AHNAK: variants seen among roughly 807,000 people sequenced by gnomAD.
AHNAK encodes AHNAK nucleoprotein.
In AHNAK, 23 loss-of-function variants were observed where a neutral mutation model predicts 37.8. That is an observed-to-expected ratio of 0.61 (90% CI 0.44 to 0.86). The LOEUF is 0.86. AHNAK is among the 40% of genes least tolerant of loss of function. The pLI, the probability that AHNAK is intolerant of heterozygous loss-of-function variation, is 0.00. For synonymous variants in AHNAK, 2,481 were observed against 2,636.3 expected (o/e 0.94, Z 1.80); for missense variants, 7,411 against 7,319.4 (o/e 1.01, Z -0.46).
intron 4 of AHNAK, among the ~76,000 whole-genome samples, chr11:62,503,735 CAT>C (rs112127002): frequency 0.045 from 6,781 of 152,218 alleles, 232 homozygotes; most frequent in African/African-American, 0.093. Context: ...TAAACAGTAA[CAT>C]GTGATTTTCC....
intron 5 of AHNAK, among the ~76,000 whole-genome samples, chr11:62,472,118 C>T (rs1939048164): frequency 6.6e-6 from 1 of 152,106 alleles, no homozygotes. Flanking sequence ...CCTGTGCCCA[C>T]AGGCCCCCTT....
chr11:62,467,460 G>A (rs886201817), intron 5 of AHNAK, among the ~76,000 whole-genome samples: 33 of 152,232 alleles, frequency 2.2e-4, no homozygotes, highest in African/African-American at 7.9e-4. Context: ...CGAGGCAGAC[G>A]GATCACCTGA....
In AHNAK at chr11:62,524,182, G is replaced by C; in HGVS notation, c.10235C>G (p.Ser3412Cys). The change falls in exon 5 of 5, where the codon TCT becomes TGT. Residue 3412 changes from serine (S) to cysteine (C), a missense_variant. By Grantham distance (112) the Ser-to-Cys change is moderately radical. Coordinates refer to ENST00000378024, the MANE Select transcript of AHNAK (RefSeq NM_001620.3). ...KFKMPFLSIS[S>C]PKVSMPDVEL... ...CACGTCAGGCATAGAAACTTTGGGAGATGAAATACTCAGGAAAGGCATTTT... is the reference window on the plus strand; with the variant it reads ...CACGTCAGGCATAGAAACTTTGGGACATGAAATACTCAGGAAAGGCATTTT... The C allele has an allele frequency of 1.2e-6, 2 of 1,613,928 alleles. No individual in the cohort carries two copies. Among genetic ancestry groups the C allele is most frequent in the Non-Finnish European group, 1.7e-6 (2 of 1,179,956 alleles).
chr11:62,540,245 A>G (rs1005121403), intron 1 of AHNAK, among the ~76,000 whole-genome samples: 4 of 152,226 alleles, frequency 2.6e-5, no homozygotes, highest in Non-Finnish European at 4.4e-5. Flanking sequence ...ATCAATTAAA[A>G]TTCAGTTAAA....
intron 4 of AHNAK, among the ~76,000 whole-genome samples, chr11:62,506,549 C>T (rs1238663180): frequency 2.0e-5 from 3 of 152,176 alleles, no homozygotes; most frequent in African/African-American, 7.2e-5. Context: ...CAGGTTCTCC[C>T]CCCAGACAGG....
rs1416317790 is a variant in AHNAK, at chr11:62,529,531, A to G, written c.4886T>C (p.Ile1629Thr). 1.2e-6 allele frequency: 2 copies of G among 1,614,124 alleles called. No homozygotes were observed. Among genetic ancestry groups the G allele is most frequent in the Admixed American group, 1.7e-5 (1 of 60,010 alleles). Residue 1629 changes from isoleucine (I) to threonine (T), a missense_variant, in exon 5 of 5, where the codon ATT becomes ACT. By Grantham distance (89) the Ile-to-Thr change is moderately conservative (BLOSUM62 -1). Coordinates refer to ENST00000378024, the MANE Select transcript of AHNAK (RefSeq NM_001620.3). ...KMDVNVGDID[I>T]EGPEGKLKGP... ...CTTCAACTTCCCTTCTGGACCTTCAATATCAATATCACCAACATTCACATC... is the reference window on the plus strand; with the variant it reads ...CTTCAACTTCCCTTCTGGACCTTCAGTATCAATATCACCAACATTCACATC...
chr11:62,449,512 G>GC (rs1445520327), intron 5 of AHNAK, among the ~76,000 whole-genome samples: 1 of 152,160 alleles, frequency 6.6e-6, no homozygotes, highest in Non-Finnish European at 1.5e-5. Context: ...AGAACCAGGT[G>GC]CCCAGCTTAT....
At chr11:62,443,355 C>T (rs906566772) in intron 5 of AHNAK, among the ~76,000 whole-genome samples, 2 of 149,292 alleles carry the variant, frequency 1.3e-5, no homozygotes, top group African/African-American at 4.9e-5. Context: ...TCACCGCAAC[C>T]TCCGCCTCCA....
At position 62,518,275 on chromosome 11, in the gene AHNAK, T is replaced by C; in HGVS notation, c.16142A>G (p.Lys5381Arg). Residue 5381 changes from lysine (K) to arginine (R), a missense_variant, in exon 5 of 5, where the codon AAA (lysine) becomes AGA (arginine). Coordinates refer to ENST00000378024, the MANE Select transcript of AHNAK (RefSeq NM_001620.3). The stretch of plus-strand genomic sequence containing the variant: ...AGCTCCTACGGATACTTTAGGGCAT[T>C]TGATGTCACCAGAGACAGCCAGATC... Reference protein sequence around the residue: ...QGDLAVSGDIKCPKVSVGAPD... With the variant: ...QGDLAVSGDIRCPKVSVGAPD... 1.9e-6 allele frequency: 3 copies of C among 1,614,168 alleles called. No individual in the cohort carries two copies. Among genetic ancestry groups the C allele is most frequent in the South Asian group, 1.1e-5 (1 of 91,080 alleles).
rs142932992 is a variant in AHNAK at position 62,499,594 on chromosome 11, T to C, written c.343-7763A>G. Reference sequence around the variant, plus strand: ...CCGCACAAGTTGAGCTGTCGGCAGCTGCGCAGCTCCTAGCCACTCCTCCAT... The same window carrying C: ...CCGCACAAGTTGAGCTGTCGGCAGCCGCGCAGCTCCTAGCCACTCCTCCAT... On this transcript the variant is annotated intron_variant, in intron 4 of 5. Transcript: ENST00000257247. 6.1e-3 allele frequency among the ~76,000 whole-genome samples: 935 copies of C among 152,276 alleles called. 3 individuals carry two copies. The highest frequency in any genetic ancestry group is 0.036 in the South Asian group (174 of 4,822).
rs187102522 is a variant in AHNAK, at chr11:62,476,053, T to C, written c.442+15679A>G. 1.5e-3 allele frequency among the ~76,000 whole-genome samples: 233 copies of C among 152,214 alleles called. 1 individual carries two copies. The highest frequency in any genetic ancestry group is 5.3e-3 in the African/African-American group (221 of 41,554). On this transcript the variant is annotated intron_variant, in intron 5 of 5. Transcript: ENST00000257247. Reference sequence around the variant, plus strand: ...TTTTCTTATTCAAGTTCAAAATGGGTTGTAAAGCAGCAGAGACAACTGGCA... The same window carrying C: ...TTTTCTTATTCAAGTTCAAAATGGGCTGTAAAGCAGCAGAGACAACTGGCA...
chr11:62,465,733 G>A (rs967273573), intron 5 of AHNAK, among the ~76,000 whole-genome samples: 9 of 152,178 alleles, frequency 5.9e-5, no homozygotes, highest in African/African-American at 2.2e-4. Context: ...AGGAAACACA[G>A]AGACACAGAT....
In AHNAK at chr11:62,523,352, C is replaced by A. The variant is rs766461480; in HGVS notation, c.11065G>T (p.Val3689Leu). 2 of 1,612,746 alleles carry A rather than the reference C, an allele frequency of 1.2e-6. No individual in the cohort carries two copies. The highest frequency in any genetic ancestry group is 2.2e-5 in the South Asian group (2 of 90,854). ...TCCACTTTGGGCAAAGACACAACCA[C>A]ATCACCCTTCATTTTGGGTCCCTTC... ...NLKGPKMKGD[V>L]VVSLPKVEGD... is the part of the protein sequence containing the mutation. Residue 3689 changes from valine to leucine, a missense_variant, in exon 5 of 5, where the codon GTG becomes TTG. Coordinates refer to ENST00000378024, the MANE Select transcript of AHNAK (RefSeq NM_001620.3).
In AHNAK at chr11:62,533,670, A is replaced by G. The variant is rs1419746875; in HGVS notation, c.747T>C (p.Pro249=). ...AGHSKLQVTM[P]GIKVGGSGVN... The stretch of plus-strand genomic sequence containing the variant: ...CACCTGAGCCTCCCACCTTTATCCC[A>G]GGCATGGTGACCTGGAGCTTCGAGT... Residue 249 remains proline, a synonymous_variant, in exon 5 of 5, where the codon CCT becomes CCC. Coordinates refer to ENST00000378024, the MANE Select transcript of AHNAK (RefSeq NM_001620.3). 3 of 1,613,926 alleles carry G rather than the reference A, an allele frequency of 1.9e-6. No homozygotes were observed. In the Admixed American group the frequency reaches 5.0e-5, roughly 27 times the overall value.
intron 4 of AHNAK, among the ~76,000 whole-genome samples, chr11:62,498,817 C>A (rs756886612): frequency 2.0e-5 from 3 of 152,024 alleles, no homozygotes; most frequent in African/African-American, 7.2e-5. Context: ...ATAAATAGAT[C>A]TTTGGAAATG....
intron 4 of AHNAK, 23 bp from the exon 5 acceptor site, chr11:62,534,097 G>C (rs1940867379): frequency 6.6e-7 from 1 of 1,521,784 alleles, no homozygotes. Flanking sequence ...ACGCCGGGCA[G>C]AGGTTGCAGC....
At position 62,533,693 on chromosome 11, in the gene AHNAK, A is replaced by G. The variant is rs1940848554; in HGVS notation, c.724T>C (p.Ser242Pro). The G allele has an allele frequency of 6.2e-7, 1 of 1,614,080 alleles. No individual in the cohort carries two copies. Among genetic ancestry groups the G allele is most frequent in the East Asian group, 2.2e-5 (1 of 44,876 alleles). Residue 242 changes from serine to proline, a missense_variant, in exon 5 of 5, where the codon TCG becomes CCG. By Grantham distance (74) the Ser-to-Pro change is moderately conservative (BLOSUM62 -1). Coordinates refer to ENST00000378024, the MANE Select transcript of AHNAK (RefSeq NM_001620.3). ...CCAGGCATGGTGACCTGGAGCTTCG[A>G]GTGGCCAGCACCTTGGAGCTCTGGT... The part of the protein sequence containing the change: ...SGPELQGAGH[S>P]KLQVTMPGIK...
rs765230740 is a variant in AHNAK, at chr11:62,517,172, T to C, written c.17245A>G (p.Ser5749Gly). 3 of 1,613,796 alleles carry C rather than the reference T, an allele frequency of 1.9e-6. No homozygotes were observed. The highest frequency in any genetic ancestry group is 2.5e-6 in the Non-Finnish European group (3 of 1,180,022). Reference sequence around the variant, plus strand: ...GCCTCTCCTTCCAGAGAGCCCAGGCTGGCCTTTGAACTTTTCAGGTCACCT... The same window carrying C: ...GCCTCTCCTTCCAGAGAGCCCAGGCCGGCCTTTGAACTTTTCAGGTCACCT... ...SKGDLKSSKA[S>G]LGSLEGEAEA... The change falls in exon 5 of 5, where the codon AGC (serine) becomes GGC (glycine). Residue 5749 changes from serine (S) to glycine (G), a missense_variant. Coordinates refer to ENST00000378024, the MANE Select transcript of AHNAK (RefSeq NM_001620.3).
Position 62,533,611 on chromosome 11 carries a change from C to T in AHNAK, c.806G>A (p.Gly269Asp), listed in dbSNP as rs1407353318. The T allele has an allele frequency of 4.3e-6, 7 of 1,614,170 alleles. No homozygotes were observed. The highest frequency in any genetic ancestry group is 5.9e-6 in the Non-Finnish European group (7 of 1,180,020). ...NVNAKGLDLG[G>D]RGGVQVPAVD... ...TGCTGGAACTTGGACCCCTCCTCTG[C>T]CACCCAAGTCCAAGCCCTTTGCATT... Residue 269 changes from glycine (G) to aspartate (D), a missense_variant, in exon 5 of 5, where the codon GGC becomes GAC. Coordinates refer to ENST00000378024, the MANE Select transcript of AHNAK (RefSeq NM_001620.3).
Sources: gnomAD v4.1 joint callset for allele counts (sites outside exome capture counted in the v4.1 genomes callset) on GRCh38, gnomAD v4.1.1 for gene constraint, MANE v1.5 for transcripts, NCBI Gene and HGNC (gene_info 2026-07-23, HGNC 2026-07-21) for gene names.